Variants in KLF15 observed in about 807,000 individuals in gnomAD.
KLF15 encodes the protein KLF transcription factor 15, also known as Krueppel-like factor 15.
In KLF15, 4 loss-of-function variants were observed where a neutral mutation model predicts 24.6. The ratio of observed to expected loss-of-function variants is 0.16; its 90% confidence interval spans 0.08 to 0.37. KLF15 has a LOEUF of 0.37. KLF15 is among the 10% of genes least tolerant of loss of function. The pLI, the probability that KLF15 is intolerant of heterozygous loss-of-function variation, is 1.00. For missense variants in KLF15, 496 were observed against 560.6 expected, an observed-to-expected ratio of 0.88 and a Z score of 1.16; for synonymous variants, 246 against 236.3, an observed-to-expected ratio of 1.04 and a Z score of -0.37.
chr3:126,353,491 T>C (rs568593000), intron 1 of KLF15, among the ~76,000 whole-genome samples: 38 of 152,324 alleles, frequency 2.5e-4, no homozygotes, highest in African/African-American at 9.1e-4. Context: ...ACAGTTACAT[T>C]CGAATTTCAG....
At chr3:126,318,567 C>T in the KLF15 span, among the ~76,000 whole-genome samples, 3 of 152,096 alleles carry the variant, frequency 2.0e-5, no homozygotes, top group Non-Finnish European at 4.4e-5. Context: ...TTGGCCGACA[C>T]GTGGCATACT....
At chr3:126,295,671 C>T in the KLF15 span, among the ~76,000 whole-genome samples, 3 of 152,322 alleles carry the variant, frequency 2.0e-5, no homozygotes, top group South Asian at 4.1e-4. Flanking sequence ...ATATGCTTGG[C>T]CAAACTTTAG....
the KLF15 span, among the ~76,000 whole-genome samples, chr3:126,302,369 G>A: frequency 3.3e-5 from 5 of 152,138 alleles, no homozygotes; most frequent in Admixed American, 2.6e-4. Flanking sequence ...TGAATTGAGT[G>A]TTCTATAAAT....
the KLF15 span, among the ~76,000 whole-genome samples, chr3:126,328,088 T>C: frequency 6.7e-6 from 1 of 148,216 alleles, no homozygotes; most frequent in African/African-American, 2.5e-5. Flanking sequence ...CCCCTCTTAC[T>C]CTTCCCCCCA....
the KLF15 span, among the ~76,000 whole-genome samples, chr3:126,302,973 G>A: frequency 1.3e-5 from 2 of 151,876 alleles, no homozygotes; most frequent in Non-Finnish European, 2.9e-5. Flanking sequence ...ATTTATTTTT[G>A]TTTAATTGAG....
At chr3:126,341,534 A>C (rs1461875054), downstream of KLF15, among the ~76,000 whole-genome samples, 3 of 152,198 alleles carry the variant, frequency 2.0e-5, no homozygotes, top group Non-Finnish European at 4.4e-5. Context: ...CAGAGGGTAC[A>C]TCCGGTCAGG....
At chr3:126,337,883 G>A (rs2082450441), downstream of KLF15, among the ~76,000 whole-genome samples, 1 of 152,188 alleles carries the variant, frequency 6.6e-6, no homozygotes, top group African/African-American at 2.4e-5. Context: ...GTTCCAGGAG[G>A]AAGATGAAGG....
At chr3:126,293,115 G>T in the KLF15 span, among the ~76,000 whole-genome samples, 1 of 145,276 alleles carries the variant, frequency 6.9e-6, no homozygotes, top group Admixed American at 7.0e-5. Context: ...TTCAAGACCA[G>T]CCTGGGCAAC....
chr3:126,301,610 C>CTTTTTTTTTTTTTTTTTTTTTTT, the KLF15 span, among the ~76,000 whole-genome samples: 2 of 132,284 alleles, frequency 1.5e-5, no homozygotes, highest in African/African-American at 2.9e-5. Flanking sequence ...TTTTCTTTTT[C>CTTTTTTTTTTTTTTTTTTTTTTT]TTTTTTTTTT....
chr3:126,297,307 C>G, the KLF15 span, among the ~76,000 whole-genome samples: 1 of 151,986 alleles, frequency 6.6e-6, no homozygotes, highest in African/African-American at 2.4e-5. Flanking sequence ...TGTAATGTAT[C>G]TAACTTTTAC....
chr3:126,339,400 C>CT (rs1341227449), downstream of KLF15, among the ~76,000 whole-genome samples: 1 of 152,220 alleles, frequency 6.6e-6, no homozygotes, highest in Non-Finnish European at 1.5e-5. Flanking sequence ...CCTGGGCTCT[C>CT]TATTTCTTCC....
At chr3:126,331,603 G>T in the KLF15 span, among the ~76,000 whole-genome samples, 14 of 152,246 alleles carry the variant, frequency 9.2e-5, no homozygotes, top group East Asian at 1.9e-4. Context: ...AATGTCTAGT[G>T]GGGGGGAGGA....
chr3:126,322,786 G>A, the KLF15 span, among the ~76,000 whole-genome samples: 2 of 152,148 alleles, frequency 1.3e-5, no homozygotes, highest in African/African-American at 4.8e-5. Flanking sequence ...TGTTCTGGGA[G>A]CTAGGTTTGC....
At chr3:126,333,934 G>A in the KLF15 span, among the ~76,000 whole-genome samples, 1 of 150,374 alleles carries the variant, frequency 6.7e-6, no homozygotes, top group Non-Finnish European at 1.5e-5. Flanking sequence ...AGTCCTGAGT[G>A]ACCTACAAAG....
the KLF15 span, among the ~76,000 whole-genome samples, chr3:126,334,389 A>G: frequency 7.5e-6 from 1 of 133,880 alleles, no homozygotes; most frequent in Non-Finnish European, 1.6e-5. Context: ...ACAAAGACAC[A>G]ACATACCAGA....
chr3:126,330,146 G>A, the KLF15 span, among the ~76,000 whole-genome samples: 1,071 of 152,322 alleles, frequency 7.0e-3, 9 homozygotes, highest in African/African-American at 0.025. Context: ...GGCCCAAGGC[G>A]AAATGTGAGC....
the KLF15 span, among the ~76,000 whole-genome samples, chr3:126,333,465 T>C: frequency 6.9e-6 from 1 of 143,916 alleles, no homozygotes; most frequent in South Asian, 2.3e-4. Flanking sequence ...CGCTGCAAAA[T>C]CATGCCAAAA....
At chr3:126,323,891 A>G in the KLF15 span, among the ~76,000 whole-genome samples, 1 of 151,782 alleles carries the variant, frequency 6.6e-6, no homozygotes, top group Non-Finnish European at 1.5e-5. Flanking sequence ...CCTGCAAAGG[A>G]CATGATCTCA....
At chr3:126,347,470 C>T (rs1380313086) in intron 2 of KLF15, among the ~76,000 whole-genome samples, 1 of 152,228 alleles carries the variant, frequency 6.6e-6, no homozygotes, top group African/African-American at 2.4e-5. Flanking sequence ...CTCCCCTTCT[C>T]TGTCCCCCAC....
Sources: gnomAD v4.1 joint callset for allele counts (sites outside exome capture counted in the v4.1 genomes callset) on GRCh38, gnomAD v4.1.1 for gene constraint, MANE v1.5 for transcripts, NCBI Gene and HGNC (gene_info 2026-07-23, HGNC 2026-07-21) for gene names.